Variants in PCDH15 observed in about 807,000 individuals in gnomAD.
The protein encoded by PCDH15 is protocadherin-15.
A neutral mutation model predicts 178.5 loss-of-function variants in PCDH15; 129 were observed. That is an observed-to-expected ratio of 0.72 (90% CI 0.63 to 0.84). The LOEUF (loss-of-function observed/expected upper bound fraction) is 0.84. Among genes scored for constraint, PCDH15 ranks in the 40% least tolerant of loss-of-function variants. The pLI, the probability that PCDH15 is intolerant of heterozygous loss-of-function variation, is 0.00. For synonymous variants in PCDH15, 800 were observed against 732.0 expected (o/e 1.09, Z -1.50); for missense variants, 2,230 against 2,099.9 (o/e 1.06, Z -1.21).
intron 2 of PCDH15, among the ~76,000 whole-genome samples, chr10:55,106,812 C>A (rs1197996647): frequency 6.6e-6 from 1 of 152,164 alleles, no homozygotes; most frequent in Non-Finnish European, 1.5e-5. Context: ...TATTTCCAAT[C>A]CAGGATTTAT....
intron 25 of PCDH15, among the ~76,000 whole-genome samples, chr10:53,934,513 G>T (rs575926035): frequency 1.3e-5 from 2 of 151,818 alleles, no homozygotes; most frequent in Non-Finnish European, 2.9e-5. Context: ...CAGGAGAATG[G>T]TGTGAACCCA....
intron 2 of PCDH15, among the ~76,000 whole-genome samples, chr10:54,658,293 G>A (rs887886193): frequency 2.2e-4 from 34 of 152,088 alleles, no homozygotes; most frequent in African/African-American, 7.7e-4. Flanking sequence ...GAGAATATCT[G>A]TAAGATATTA....
At chr10:53,877,311 G>A (rs2133288572) in intron 26 of PCDH15, among the ~76,000 whole-genome samples, 1 of 152,082 alleles carries the variant, frequency 6.6e-6, no homozygotes, top group East Asian at 1.9e-4. Context: ...TTTCAACCAT[G>A]TGAAAAAGAA....
At chr10:55,563,137 T>C (rs1439096222) in intron 2 of PCDH15, among the ~76,000 whole-genome samples, 1 of 151,894 alleles carries the variant, frequency 6.6e-6, no homozygotes, top group Non-Finnish European at 1.5e-5. Context: ...GGATCTGTGC[T>C]GTCATGGTTG....
At chr10:54,308,243 G>A (rs1564925834) in intron 8 of PCDH15, among the ~76,000 whole-genome samples, 2 of 152,036 alleles carry the variant, frequency 1.3e-5, no homozygotes, top group South Asian at 4.1e-4. Context: ...TCAGGGACAA[G>A]CTTAAGGACT....
intron 2 of PCDH15, among the ~76,000 whole-genome samples, chr10:54,642,334 T>A (rs1334113142): frequency 6.6e-6 from 1 of 152,144 alleles, no homozygotes; most frequent in Non-Finnish European, 1.5e-5. Flanking sequence ...CAGTTTAAAG[T>A]GTTATGTTTA....
intron 27 of PCDH15, 141 bp downstream of exon 27, chr10:53,866,501 T>C (rs2133154304): frequency 1.7e-6 from 1 of 596,262 alleles, no homozygotes; most frequent in East Asian, 3.2e-5. Context: ...TAAACTATAG[T>C]GACTAACAAT....
chr10:54,038,700 C>T (rs910809530), intron 18 of PCDH15, among the ~76,000 whole-genome samples: 4 of 151,906 alleles, frequency 2.6e-5, no homozygotes, highest in Non-Finnish European at 5.9e-5. Flanking sequence ...CTACATCACT[C>T]CAAAAAGCCA....
intron 1 of PCDH15, among the ~76,000 whole-genome samples, chr10:55,173,525 T>G (rs1188398274): frequency 6.6e-6 from 1 of 152,116 alleles, no homozygotes; most frequent in Non-Finnish European, 1.5e-5. Context: ...TAATTTGTAG[T>G]TTTTACATAC....
At chr10:54,213,045 T>C (rs2051617022) in intron 10 of PCDH15, among the ~76,000 whole-genome samples, 1 of 152,182 alleles carries the variant, frequency 6.6e-6, no homozygotes, top group Non-Finnish European at 1.5e-5. Context: ...CCTTTTCCTT[T>C]AGTATGTTTA....
intron 3 of PCDH15, among the ~76,000 whole-genome samples, chr10:54,448,304 A>C (rs2076265167): frequency 6.6e-6 from 1 of 151,720 alleles, no homozygotes; most frequent in African/African-American, 2.4e-5. Flanking sequence ...TGACATGCCC[A>C]AAGGAAGGTA....
intron 3 of PCDH15, among the ~76,000 whole-genome samples, chr10:54,459,436 T>G (rs2077034002): frequency 6.6e-6 from 1 of 152,056 alleles, no homozygotes; most frequent in South Asian, 2.1e-4. Flanking sequence ...TGATCAAGTT[T>G]GTTCCTATAT....
intron 2 of PCDH15, among the ~76,000 whole-genome samples, chr10:55,086,082 T>C (rs1450708025): frequency 6.6e-6 from 1 of 151,728 alleles, no homozygotes; most frequent in Non-Finnish European, 1.5e-5. Context: ...TATTTTTATA[T>C]TTTCTAAAAA....
intron 2 of PCDH15, among the ~76,000 whole-genome samples, chr10:55,597,671 C>T (rs1292468633): frequency 1.3e-5 from 2 of 152,100 alleles, no homozygotes; most frequent in South Asian, 2.1e-4. Flanking sequence ...ACAAATGTCA[C>T]CTTAGCCAAA....
At chr10:54,439,681 G>GT (rs1188325026) in intron 3 of PCDH15, among the ~76,000 whole-genome samples, 3 of 151,924 alleles carry the variant, frequency 2.0e-5, no homozygotes, top group Admixed American at 6.6e-5. Context: ...TAAATGCCAT[G>GT]TTTTTTAGCT....
At chr10:55,313,455 T>C (rs1843642500) in intron 1 of PCDH15, among the ~76,000 whole-genome samples, 1 of 152,164 alleles carries the variant, frequency 6.6e-6, no homozygotes, top group African/African-American at 2.4e-5. Context: ...ACAGAAAATT[T>C]TGTGTAAAGG....
At chr10:54,146,924 A>ATATATATATAGTGTATATATATAGTG (rs1564530309) in intron 14 of PCDH15, among the ~76,000 whole-genome samples, 2 of 73,382 alleles carry the variant, frequency 2.7e-5, no homozygotes, top group African/African-American at 5.0e-5. Context: ...TATATAGTGT[A>ATATATATATAGTGTATATATATAGTG]TATATATATA....
At chr10:53,928,668 A>G (rs2084785482) in intron 25 of PCDH15, among the ~76,000 whole-genome samples, 1 of 152,190 alleles carries the variant, frequency 6.6e-6, no homozygotes, top group East Asian at 1.9e-4. Flanking sequence ...TGCATTTAAT[A>G]GGGCTTAGTG....
intron 3 of PCDH15, among the ~76,000 whole-genome samples, chr10:54,445,355 GA>G (rs1459820180): frequency 1.3e-5 from 2 of 151,284 alleles, no homozygotes; most frequent in African/African-American, 4.8e-5. Context: ...AATAAAAACA[GA>G]AAAAAAGAGA....
Sources: allele counts gnomAD v4.1 joint callset (sites outside exome capture counted in the v4.1 genomes callset), GRCh38; gene constraint gnomAD v4.1.1; transcripts MANE v1.5; gene names NCBI Gene and HGNC (gene_info 2026-07-23, HGNC 2026-07-21).